PDGFD: variants seen among roughly 807,000 people sequenced by gnomAD.
The protein encoded by PDGFD is platelet derived growth factor D, also known as platelet-derived growth factor D.
Under a neutral mutation model 44.7 loss-of-function variants are expected in PDGFD, and 30 were observed. The observed-to-expected ratio is 0.67, with a 90% CI of 0.50 to 0.91. The LOEUF (loss-of-function observed/expected upper bound fraction) is 0.91. Among genes scored for constraint, PDGFD ranks in the 40% least tolerant of loss-of-function variants. The pLI is 0.00. For missense variants in PDGFD, 445 were observed against 457.8 expected (o/e 0.97, Z 0.25); for synonymous variants, 173 against 168.4 (o/e 1.03, Z -0.21).
rs371513575 is a variant in PDGFD at position 104,119,352 on chromosome 11, A to AT, written c.124+44451dup. Among the ~76,000 whole-genome samples the AT allele has an allele frequency of 5.2e-4, 18 of 34,882 alleles. 2 individuals carry two copies. The highest frequency in any genetic ancestry group is 3.0e-3 in the East Asian group (3 of 1,008). The allele number at this position is 34,882 out of a possible 152,430, so 22.9% of individuals were successfully genotyped here. A position where few individuals can be genotyped will look rare whatever the true frequency, so the allele number is the denominator to read the frequency against. On this transcript the variant is annotated intron_variant, in intron 1 of 6. Transcript: ENST00000393158. ...AATATATAATATATTGATATAATAT[A>AT]TAATATATTGATATAATATATTGAT...
chr11:104,035,482 C>G (rs1174215130), intron 1 of PDGFD, among the ~76,000 whole-genome samples: 1 of 151,304 alleles, frequency 6.6e-6, no homozygotes, highest in Non-Finnish European at 1.5e-5. Flanking sequence ...AAGCCTCTTC[C>G]TTAAGTCAAT....
rs1247448869 is a variant in PDGFD, at chr11:104,119,513, TTAA to T, written c.124+44288_124+44290del. ...ATATATTGATATAATATATAATATATTAATATAATATATTGATATAATATATAA... is the reference window on the plus strand; with the variant it reads ...ATATATTGATATAATATATAATATATTATAATATATTGATATAATATATAA... On this transcript the variant is annotated intron_variant, in intron 1 of 6. Coordinates refer to ENST00000393158, the MANE Select transcript of PDGFD (RefSeq NM_025208.5). Among the ~76,000 whole-genome samples, 4 of 39,750 alleles carry T rather than the reference TTAA, an allele frequency of 1.0e-4. 1 individual carries two copies. Among genetic ancestry groups the T allele is most frequent in the African/African-American group, 4.2e-4 (4 of 9,472 alleles). 26.1% of individuals were successfully genotyped at this position (39,750 alleles called of 152,430 possible). A position where few individuals can be genotyped will look rare whatever the true frequency, so the allele number is the denominator to read the frequency against.
At chr11:104,140,607 CCT>C (rs1334332405) in intron 1 of PDGFD, among the ~76,000 whole-genome samples, 1 of 152,042 alleles carries the variant, frequency 6.6e-6, no homozygotes, top group Non-Finnish European at 1.5e-5. Flanking sequence ...TCTCTTTCTC[CCT>C]CTGGGAACCT....
intron 6 of PDGFD, among the ~76,000 whole-genome samples, chr11:103,912,743 T>C (rs986408586): frequency 1.3e-5 from 2 of 151,288 alleles, no homozygotes; most frequent in Non-Finnish European, 2.9e-5. Flanking sequence ...CCATCTCACA[T>C]GAAAAGACAC....
At chr11:103,954,657 T>C (rs1262154408) in intron 3 of PDGFD, among the ~76,000 whole-genome samples, 1 of 152,208 alleles carries the variant, frequency 6.6e-6, no homozygotes, top group Non-Finnish European at 1.5e-5. Context: ...CAGTGTATTT[T>C]CTGTCATTCT....
intron 1 of PDGFD, among the ~76,000 whole-genome samples, chr11:104,107,400 G>T (rs1441610467): frequency 1.3e-5 from 2 of 152,082 alleles, no homozygotes; most frequent in Non-Finnish European, 2.9e-5. Flanking sequence ...CAAACAGTGC[G>T]CTTAGAAGAG....
chr11:103,962,201 T>C (rs1858948722), intron 3 of PDGFD, among the ~76,000 whole-genome samples: 1 of 152,192 alleles, frequency 6.6e-6, no homozygotes, highest in Non-Finnish European at 1.5e-5. Flanking sequence ...ATTCCTTATT[T>C]TGGTAATCAA....
At chr11:104,052,150 T>C (rs1860549589) in intron 1 of PDGFD, among the ~76,000 whole-genome samples, 1 of 152,190 alleles carries the variant, frequency 6.6e-6, no homozygotes. Flanking sequence ...TCAATTAATA[T>C]AATGTCTTCA....
In PDGFD at chr11:103,943,646, A is replaced by C. The variant is rs755076109; in HGVS notation, c.578T>G (p.Val193Gly). The C allele has an allele frequency of 2.9e-5, 46 of 1,611,436 alleles. No individual in the cohort carries two copies. In the East Asian group the frequency reaches 9.6e-4, roughly 34 times the overall value. ...WESVTSSISG[V>G]SYNSPSVTDP... ...CGTTACTGATGGAGAGTTATAGGAT[A>C]CCCCCTAAGAGTGACATACAGCTCA... The change falls in exon 5 of 7, where the codon GTA (valine) becomes GGA (glycine). Residue 193 changes from valine (V) to glycine (G), a missense_variant. Val to Gly is a moderately radical substitution (Grantham distance 109, BLOSUM62 -3). Coordinates refer to ENST00000393158, the MANE Select transcript of PDGFD (RefSeq NM_025208.5).
chr11:103,975,798 T>C (rs1859175981), intron 3 of PDGFD, among the ~76,000 whole-genome samples: 1 of 152,142 alleles, frequency 6.6e-6, no homozygotes, highest in African/African-American at 2.4e-5. Flanking sequence ...GAAGATCAGA[T>C]TGTTGTAGAG....
chr11:103,957,175 G>A (rs1444590331), intron 3 of PDGFD, among the ~76,000 whole-genome samples: 5 of 151,902 alleles, frequency 3.3e-5, no homozygotes, highest in Non-Finnish European at 7.4e-5. Context: ...TTTCTTCTAG[G>A]GTTTTTATGG....
chr11:103,956,956 T>C (rs1858860447), intron 3 of PDGFD, among the ~76,000 whole-genome samples: 1 of 152,220 alleles, frequency 6.6e-6, no homozygotes, highest in Non-Finnish European at 1.5e-5. Flanking sequence ...TTCTGGATAT[T>C]ATCCCTTTGT....
intron 6 of PDGFD, among the ~76,000 whole-genome samples, chr11:103,926,577 ACAT>A (rs1229947003): frequency 6.6e-6 from 1 of 152,226 alleles, no homozygotes; most frequent in Non-Finnish European, 1.5e-5. Context: ...TAAATGAATA[ACAT>A]CATATTTCTC....
chr11:104,099,714 C>T (rs778874672), intron 1 of PDGFD, among the ~76,000 whole-genome samples: 2 of 150,708 alleles, frequency 1.3e-5, no homozygotes, highest in Non-Finnish European at 3.0e-5. Flanking sequence ...CATCTTCCTG[C>T]CTTGAAAATA....
intron 1 of PDGFD, among the ~76,000 whole-genome samples, chr11:104,075,893 C>T (rs575564255): frequency 1.3e-5 from 2 of 152,242 alleles, no homozygotes; most frequent in East Asian, 3.9e-4. Context: ...ATGGAACTTC[C>T]TCTTATTAGC....
intron 1 of PDGFD, among the ~76,000 whole-genome samples, chr11:104,117,802 T>C (rs1312693034): frequency 1.3e-5 from 2 of 151,968 alleles, no homozygotes; most frequent in Non-Finnish European, 2.9e-5. Context: ...AAAATGGCCA[T>C]ATTGCCAAAA....
At chr11:104,003,351 T>C (rs1448397440) in intron 1 of PDGFD, among the ~76,000 whole-genome samples, 1 of 152,206 alleles carries the variant, frequency 6.6e-6, no homozygotes, top group Non-Finnish European at 1.5e-5. Context: ...TTGATATGGG[T>C]ACAAACAGAT....
intron 1 of PDGFD, among the ~76,000 whole-genome samples, chr11:104,133,700 G>A (rs963286966): frequency 1.3e-5 from 2 of 152,182 alleles, no homozygotes; most frequent in African/African-American, 4.8e-5. Context: ...AACGTTTACT[G>A]AAATGCTGCT....
chr11:104,137,811 G>A (rs1217328660), intron 1 of PDGFD, among the ~76,000 whole-genome samples: 1 of 124,874 alleles, frequency 8.0e-6, no homozygotes, highest in Non-Finnish European at 1.6e-5. Context: ...TCCGACATTT[G>A]ACACTCCTGC....
Sources: gnomAD v4.1 joint callset for allele counts (sites outside exome capture counted in the v4.1 genomes callset) on GRCh38, gnomAD v4.1.1 for gene constraint, MANE v1.5 for transcripts, NCBI Gene and HGNC (gene_info 2026-07-23, HGNC 2026-07-21) for gene names.